The following ELK3 variants were observed in gnomAD, a reference collection of about 807,000 sequenced individuals.
ELK3 encodes ETS transcription factor ELK3.
Under a neutral mutation model 28.9 loss-of-function variants are expected in ELK3, and 10 were observed. The observed-to-expected ratio is 0.35, with a 90% CI of 0.21 to 0.59. The LOEUF is 0.59. ELK3 is among the 20% of genes least tolerant of loss of function. ELK3 has a pLI of 0.82. For synonymous variants in ELK3, 272 were observed against 243.5 expected (o/e 1.12, Z -1.09); for missense variants, 463 against 517.3 (o/e 0.90, Z 1.02).
At chr12:96,239,660 G>C (rs1198970342) in intron 2 of ELK3, among the ~76,000 whole-genome samples, 2 of 152,194 alleles carry the variant, frequency 1.3e-5, no homozygotes, top group Admixed American at 6.5e-5. Flanking sequence ...GCATTGTCTC[G>C]TGTGTCTGCT....
intron 2 of ELK3, among the ~76,000 whole-genome samples, chr12:96,239,110 TA>T (rs1951802758): frequency 6.6e-6 from 1 of 152,206 alleles, no homozygotes; most frequent in African/African-American, 2.4e-5. Context: ...TGACAAGTAA[TA>T]CATATCAAAT....
Position 96,247,718 on chromosome 12 carries a change from C to T in ELK3, c.986C>T (p.Ala329Val). ...CTCCCCTCGGGATCCCTCACCCCAG[C>T]CTTCTTCACCGCACAGGTAAGAGTC... ...PALPSGSLTPAFFTAQTPNGL... is the reference protein window; with the variant it reads ...PALPSGSLTPVFFTAQTPNGL... Residue 329 changes from alanine (A) to valine (V), a missense_variant, in exon 3 of 5, where the codon GCC (alanine) becomes GTC (valine). By Grantham distance (64) the Ala-to-Val change is moderately conservative (BLOSUM62 0). Around this residue, in one of 2 missense-constraint regions of ELK3, gnomAD observed 408 missense variants for 414.8 expected, o/e 0.98. Transcript: ENST00000228741. The surrounding 1 kb of genome is among the most constrained non-coding windows in gnomAD (Gnocchi z 5.5). 1 of 1,585,746 alleles carries T rather than the reference C, an allele frequency of 6.3e-7. No homozygotes were observed.
chr12:96,239,845 G>A (rs557086838), intron 2 of ELK3, among the ~76,000 whole-genome samples: 22 of 152,344 alleles, frequency 1.4e-4, no homozygotes, highest in African/African-American at 4.3e-4. Flanking sequence ...AGAAGCCGCC[G>A]GGAGCAGTTG....
chr12:96,255,440 A>ATGGGC (rs149618081), intron 3 of ELK3: 32,648 of 152,082 alleles, frequency 0.21, 4,361 homozygotes, highest in Middle Eastern at 0.32. Context: ...CCAGGGAACT[A>ATGGGC]TGGGCTGGGC....
intron 3 of ELK3, among the ~76,000 whole-genome samples, chr12:96,250,184 A>T (rs938595017): frequency 6.6e-6 from 1 of 152,142 alleles, no homozygotes; most frequent in African/African-American, 2.4e-5. Flanking sequence ...ACACTGGGAG[A>T]TGGTAGAGCC....
At chr12:96,259,050 A>G (rs1031574295) in intron 3 of ELK3, among the ~76,000 whole-genome samples, 5 of 152,202 alleles carry the variant, frequency 3.3e-5, no homozygotes, top group Admixed American at 6.5e-5. Flanking sequence ...AACACAGGAA[A>G]ATATAGATAA....
intron 3 of ELK3, among the ~76,000 whole-genome samples, chr12:96,252,975 A>G (rs538415720): frequency 6.2e-4 from 95 of 152,362 alleles, no homozygotes; most frequent in South Asian, 3.1e-3. Context: ...GGAATAATCA[A>G]TTGGGCCAGG....
chr12:96,234,825 C>T (rs1376233019), intron 2 of ELK3, among the ~76,000 whole-genome samples: 1 of 152,142 alleles, frequency 6.6e-6, no homozygotes, highest in Non-Finnish European at 1.5e-5. Context: ...GAGTGTTGAC[C>T]CCCAAGGCCC....
chr12:96,259,690 G>A, intron 3 of ELK3, 41 bp from the exon 4 acceptor site: 3 of 1,582,084 alleles, frequency 1.9e-6, no homozygotes, highest in Non-Finnish European at 2.6e-6. Flanking sequence ...GCCCAAGTCA[G>A]GTGAACCTAT....
At chr12:96,228,416 CAAAAAAAAAAAAA>C (rs71091236) in intron 2 of ELK3, among the ~76,000 whole-genome samples, 3 of 68,296 alleles carry the variant, frequency 4.4e-5, no homozygotes, top group Non-Finnish European at 8.2e-5. Context: ...GACTCTGTGT[CAAAAAAAAAAAAA>C]AAAAAAAAAA....
chr12:96,255,203 G>T (rs1951938691), intron 3 of ELK3, among the ~76,000 whole-genome samples: 1 of 152,132 alleles, frequency 6.6e-6, no homozygotes, highest in Non-Finnish European at 1.5e-5. Flanking sequence ...AGAATTGAGT[G>T]TGAGGAACAT....
rs142891477 is a variant in ELK3, at chr12:96,249,312, G to A, written c.1002+1578G>A. 6.6e-5 allele frequency among the ~76,000 whole-genome samples: 10 copies of A among 152,322 alleles called. No homozygotes were observed. In the East Asian group the frequency reaches 1.3e-3, roughly 21 times the overall value. On this transcript the variant is annotated intron_variant, in intron 3 of 4. Coordinates refer to ENST00000228741, the MANE Select transcript of ELK3 (RefSeq NM_005230.4). ...AGCTCTGGGCCACTGTCCTCTCCAC[G>A]CTTTCTCTGGACTGGATTCTGCCCA... is the stretch of plus-strand genomic sequence containing the variant.
At chr12:96,202,316 C>G (rs1951512510) in intron 1 of ELK3, among the ~76,000 whole-genome samples, 1 of 152,186 alleles carries the variant, frequency 6.6e-6, no homozygotes, top group African/African-American at 2.4e-5. Flanking sequence ...AAGGTGTCCT[C>G]TGCCCTCTGT....
intron 3 of ELK3, among the ~76,000 whole-genome samples, chr12:96,248,373 T>G (rs1225213493): frequency 6.6e-6 from 1 of 152,236 alleles, no homozygotes; most frequent in East Asian, 1.9e-4. Flanking sequence ...AAGCAGCCTT[T>G]TCCTTTAAAT....
intron 2 of ELK3, among the ~76,000 whole-genome samples, chr12:96,237,595 G>A (rs1264075310): frequency 1.3e-5 from 2 of 152,210 alleles, no homozygotes; most frequent in Non-Finnish European, 2.9e-5. Flanking sequence ...CCTGGCATGG[G>A]GCCACCCATA....
intron 4 of ELK3, among the ~76,000 whole-genome samples, chr12:96,264,357 A>G (rs1254931407): frequency 1.3e-5 from 2 of 152,234 alleles, no homozygotes; most frequent in African/African-American, 4.8e-5. Flanking sequence ...ACAGGATATA[A>G]TTAGAAGACA....
intron 1 of ELK3, among the ~76,000 whole-genome samples, chr12:96,210,597 A>ACACACACCCCCCCCC (rs1416746905): frequency 1.1e-4 from 16 of 148,950 alleles, no homozygotes; most frequent in Non-Finnish European, 2.1e-4. Context: ...ACACACACAC[A>ACACACACCCCCCCCC]CCCCGAGTGG....
At chr12:96,215,677 C>T (rs138982973) in intron 1 of ELK3, among the ~76,000 whole-genome samples, 522 of 149,128 alleles carry the variant, frequency 3.5e-3, no homozygotes, top group African/African-American at 0.012. Context: ...GCTCTGTCAC[C>T]CAGGCTGGAG....
chr12:96,205,534 C>T (rs550043856), intron 1 of ELK3, among the ~76,000 whole-genome samples: 4 of 152,278 alleles, frequency 2.6e-5, no homozygotes, highest in African/African-American at 9.6e-5. Flanking sequence ...AGTGCAGTGG[C>T]ACAATCATAG....
Sources: gnomAD v4.1 joint callset for allele counts (sites outside exome capture counted in the v4.1 genomes callset) on GRCh38, gnomAD v4.1.1 for gene constraint, gnomAD v4.1.1 regional missense constraint, Gnocchi (gnomAD v3.1) non-coding constraint, MANE v1.5 for transcripts, NCBI Gene and HGNC (gene_info 2026-07-23, HGNC 2026-07-21) for gene names.